CENPU: variants seen among roughly 807,000 people sequenced by gnomAD.
CENPU encodes the protein centromere protein U.
CENPU carries 46 observed loss-of-function variants against 56.7 expected under a neutral mutation model. The observed-to-expected ratio is 0.81, with a 90% CI of 0.64 to 1.04. The LOEUF (loss-of-function observed/expected upper bound fraction) is 1.04, where lower values mean the gene tolerates loss of function less well. Ranked by LOEUF, CENPU falls within the 50% of genes least tolerant of loss-of-function variation. The pLI is 0.00. For missense variants in CENPU, 510 were observed against 490.1 expected (o/e 1.04, Z -0.38); for synonymous variants, 166 against 163.0 (o/e 1.02, Z -0.14).
rs777856850 is a variant in CENPU at position 184,702,423 on chromosome 4, T to C, written c.816A>G (p.Lys272=). The C allele has an allele frequency of 6.2e-7, 1 of 1,610,834 alleles. No individual in the cohort carries two copies. The highest frequency in any genetic ancestry group is 8.5e-7 in the Non-Finnish European group (1 of 1,178,850). ...ATGTGGCGATGGCTGCCTTACAAAC[T>C]TTAGATTCTATTCTTTGTCTGTAGA... ...HLEHQQRIES[K]VCKAAIATFY... The change falls in exon 9 of 13, where the codon AAA becomes AAG. Residue 272 remains lysine (K), a synonymous_variant. Transcript: ENST00000281453.
intron 8 of CENPU, 28 bp from the exon 9 acceptor site, chr4:184,702,469 G>C: frequency 6.5e-7 from 1 of 1,529,834 alleles, no homozygotes; most frequent in South Asian, 1.2e-5. Context: ...AAAAGTCTAA[G>C]TACCATGATG....
Position 184,695,403 on chromosome 4 carries a change from T to C in CENPU, c.1144-2A>G. 1 of 1,601,992 alleles carries C rather than the reference T, an allele frequency of 6.2e-7. No homozygotes were observed. Among genetic ancestry groups the C allele is most frequent in the Non-Finnish European group, 8.6e-7 (1 of 1,169,396 alleles). On this transcript the variant is annotated splice_acceptor_variant, in intron 12 of 12. Transcript: ENST00000281453. LOFTEE classifies it high-confidence loss of function. Reference sequence around the variant, plus strand: ...AGCTGGAAGGCTGGATGAATCATACTGTTGAAAGAAAATTATATAATTAGC... The same window carrying C: ...AGCTGGAAGGCTGGATGAATCATACCGTTGAAAGAAAATTATATAATTAGC...
At chr4:184,709,444 T>C (rs28602720) in intron 8 of CENPU, among the ~76,000 whole-genome samples, 26,730 of 150,098 alleles carry the variant, frequency 0.18, 2,673 homozygotes, top group African/African-American at 0.26. Flanking sequence ...CCGAGATCTC[T>C]CCACTCTACT....
In CENPU at chr4:184,729,009, AATAGG is replaced by A; in HGVS notation, c.118_122del (p.Pro40Ter). ...AATTATCAGGAAAGTCGAACACGTC[AATAGG>A]CTTGCACTTTTGACCAGCTTTCTAA... On this transcript the variant is annotated frameshift_variant, in exon 3 of 13. Transcript: ENST00000281453. LOFTEE classifies it high-confidence loss of function. The A allele has an allele frequency of 6.2e-7, 1 of 1,613,932 alleles. No individual in the cohort carries two copies. Among genetic ancestry groups the A allele is most frequent in the Non-Finnish European group, 8.5e-7 (1 of 1,179,920 alleles).
intron 11 of CENPU, chr4:184,699,538 T>C (rs1415402304): frequency 1.6e-6 from 2 of 1,285,594 alleles, no homozygotes; most frequent in Non-Finnish European, 1.0e-6. Flanking sequence ...TATATTTACC[T>C]TTAGTTTTCT....
At chr4:184,718,556 G>A (rs1214089620) in intron 4 of CENPU, among the ~76,000 whole-genome samples, 1 of 152,228 alleles carries the variant, frequency 6.6e-6, no homozygotes, top group African/African-American at 2.4e-5. Flanking sequence ...TGGGCGGGTA[G>A]GCCAGAGAGA....
At chr4:184,708,388 A>C (rs985964947) in intron 8 of CENPU, among the ~76,000 whole-genome samples, 2 of 151,958 alleles carry the variant, frequency 1.3e-5, no homozygotes, top group Non-Finnish European at 2.9e-5. Context: ...AAAGGATAAG[A>C]GAACAAAAAA....
At chr4:184,712,584 T>A (rs185197361) in intron 7 of CENPU, among the ~76,000 whole-genome samples, 1 of 152,232 alleles carries the variant, frequency 6.6e-6, no homozygotes, top group East Asian at 1.9e-4. Flanking sequence ...TGCATACTTA[T>A]GTATTCCAGA....
chr4:184,730,408 C>T (rs1761596659), intron 2 of CENPU, among the ~76,000 whole-genome samples: 1 of 151,678 alleles, frequency 6.6e-6, no homozygotes, highest in Non-Finnish European at 1.5e-5. Flanking sequence ...GGAACTCCTT[C>T]CGGGGTGCCT....
chr4:184,726,328 G>T (rs1463865483), intron 3 of CENPU, among the ~76,000 whole-genome samples: 2 of 151,004 alleles, frequency 1.3e-5, no homozygotes, highest in East Asian at 1.9e-4. Context: ...CTTCTTCAAA[G>T]AATATACAAA....
rs1370053664 is a variant in CENPU at position 184,694,936 on chromosome 4, A to G, written c.*352T>C. 3.2e-6 allele frequency: 2 copies of G among 622,266 alleles called. No individual in the cohort carries two copies. Among genetic ancestry groups the G allele is most frequent in the African/African-American group, 1.8e-5 (1 of 54,428 alleles). The allele number at this position is 622,266 out of a possible 1,614,324, so 38.5% of individuals were successfully genotyped here. A position where few individuals can be genotyped will look rare whatever the true frequency, so the allele number is the denominator to read the frequency against. ...CTTCTGTAAACCAATTTCATTAAAAATTAGCTTTGGTGTAAATTCAGGAGA... is the reference window on the plus strand; with the variant it reads ...CTTCTGTAAACCAATTTCATTAAAAGTTAGCTTTGGTGTAAATTCAGGAGA... On this transcript the variant is annotated 3_prime_UTR_variant, in exon 13 of 13. Coordinates refer to ENST00000281453, the MANE Select transcript of CENPU (RefSeq NM_024629.4).
chr4:184,694,363 T>C lies in CENPU; in HGVS notation c.*925A>G, dbSNP rs1242533240. The C allele has an allele frequency of 1.4e-6, 2 of 1,407,670 alleles. No individual in the cohort carries two copies. The highest frequency in any genetic ancestry group is 9.2e-7 in the Non-Finnish European group (1 of 1,082,656). 87.2% of individuals were successfully genotyped at this position (1,407,670 alleles called of 1,614,324 possible). A position where few individuals can be genotyped will look rare whatever the true frequency, so the allele number is the denominator to read the frequency against. ...AGCAACGTTTGAATCAGTGCACTCA[T>C]TCCCACGGTGAGATATCGGAGACAG... On this transcript the variant is annotated 3_prime_UTR_variant, in exon 13 of 13. Transcript: ENST00000281453.
intron 8 of CENPU, among the ~76,000 whole-genome samples, chr4:184,708,535 AAG>A (rs764442483): frequency 8.4e-5 from 10 of 119,700 alleles, no homozygotes; most frequent in Non-Finnish European, 8.3e-5. Flanking sequence ...AAGAATATCA[AAG>A]AAAAAAAATA....
At chr4:184,710,294 C>T in intron 7 of CENPU, 114 bp from the exon 8 acceptor site, 1 of 607,864 alleles carries the variant, frequency 1.6e-6, no homozygotes, top group South Asian at 2.4e-5. Context: ...ATAGCTACAG[C>T]TGAACAATCA....
chr4:184,731,883 C>CTGTGTG lies in CENPU; in HGVS notation c.48-921_48-916dup, dbSNP rs59083873. Among the ~76,000 whole-genome samples, 509 of 146,746 alleles carry CTGTGTG rather than the reference C, an allele frequency of 3.5e-3. 2 individuals are homozygous for CTGTGTG. Among genetic ancestry groups the CTGTGTG allele is most frequent in the Middle Eastern group, 0.01 (3 of 294 alleles). On this transcript the variant is annotated intron_variant, in intron 1 of 12. Transcript: ENST00000281453. ...TCTGTATGCCCTTTACTCATGTGCT[C>CTGTGTG]TGTGTGTGTGTGTGTGTGTGTGTGT...
intron 5 of CENPU, 73 bp downstream of exon 5, chr4:184,717,063 G>A: frequency 1.0e-6 from 1 of 958,034 alleles, no homozygotes; most frequent in Non-Finnish European, 1.6e-6. Flanking sequence ...ATATTTTACA[G>A]AACATTTTCT....
chr4:184,733,062 G>A (rs1163134027), intron 1 of CENPU, among the ~76,000 whole-genome samples: 6 of 151,670 alleles, frequency 4.0e-5, no homozygotes, highest in Non-Finnish European at 8.8e-5. Context: ...GATTTCATGA[G>A]TCTCAAACCC....
At chr4:184,717,663 T>C (rs1486958065) in intron 4 of CENPU, among the ~76,000 whole-genome samples, 1 of 152,200 alleles carries the variant, frequency 6.6e-6, no homozygotes, top group Non-Finnish European at 1.5e-5. Context: ...AACCTCAAAA[T>C]GCAAAGCACA....
chr4:184,703,127 A>T (rs4386643), intron 8 of CENPU, among the ~76,000 whole-genome samples: 27,133 of 152,208 alleles, frequency 0.18, 2,724 homozygotes, highest in African/African-American at 0.26. Flanking sequence ...CAAACATATT[A>T]TTCCCTAAGC....
Sources: gnomAD v4.1 joint callset for allele counts (sites outside exome capture counted in the v4.1 genomes callset) on GRCh38, gnomAD v4.1.1 for gene constraint, MANE v1.5 for transcripts, NCBI Gene and HGNC (gene_info 2026-07-23, HGNC 2026-07-21) for gene names.